RNF43: variants seen among roughly 807,000 people sequenced by gnomAD.
RNF43 encodes the protein E3 ubiquitin-protein ligase RNF43.
Under a neutral mutation model 78.4 loss-of-function variants are expected in RNF43, and 37 were observed. That is an observed-to-expected ratio of 0.47 (90% CI 0.36 to 0.62). The LOEUF is 0.62. Ranked by LOEUF, RNF43 falls within the 20% of genes least tolerant of loss-of-function variation. The probability of loss-of-function intolerance (pLI) is 0.00; values close to 1 mark genes in which losing one functional copy is unlikely to be tolerated. For missense variants in RNF43, 774 were observed against 1,007.9 expected (o/e 0.77, Z 3.14); for synonymous variants, 347 against 395.0 (o/e 0.88, Z 1.44).
At chr17:58,352,972 G>T (rs1972594232), downstream of RNF43, 1 of 217,344 alleles carries the variant, frequency 4.6e-6, no homozygotes, top group Admixed American at 5.8e-5. Context: ...AAGCAGAAGG[G>T]GAACTTGTGC....
intron 2 of RNF43, among the ~76,000 whole-genome samples, chr17:58,383,212 G>C (rs1171558077): frequency 6.6e-6 from 1 of 152,190 alleles, no homozygotes; most frequent in Non-Finnish European, 1.5e-5. Context: ...CCTTTGGTGG[G>C]ATGAGAGATG....
chr17:58,369,993 G>T (rs1444053408), intron 3 of RNF43, among the ~76,000 whole-genome samples: 3 of 151,306 alleles, frequency 2.0e-5, no homozygotes. Context: ...CCCCAGCCCA[G>T]CTCCTACAAA....
chr17:58,376,980 G>T (rs913887486), intron 2 of RNF43, among the ~76,000 whole-genome samples: 11 of 152,184 alleles, frequency 7.2e-5, no homozygotes, highest in African/African-American at 2.7e-4. Flanking sequence ...GTAAAGACAT[G>T]TGAACTGTCC....
In RNF43 at chr17:58,360,462, C is replaced by G. The variant is rs1391587330; in HGVS notation, c.850-211G>C. 2.6e-5 allele frequency among the ~76,000 whole-genome samples: 4 copies of G among 152,214 alleles called. No homozygotes were observed. Among genetic ancestry groups the G allele is most frequent in the African/African-American group, 4.8e-5 (2 of 41,456 alleles). ...GACGTTGGGCAACTTTCTTAACAGA[C>G]AGTTTTCTGCTGTAAAATGAAGATA... On this transcript the variant is annotated intron_variant, in intron 7 of 9. Transcript: ENST00000407977. The surrounding 1 kb of genome is among the most constrained non-coding windows in gnomAD (Gnocchi z 4.3).
At chr17:58,411,632 T>C (rs1974025707) in intron 2 of RNF43, among the ~76,000 whole-genome samples, 1 of 152,060 alleles carries the variant, frequency 6.6e-6, no homozygotes, top group Non-Finnish European at 1.5e-5. Flanking sequence ...TCTAAGAAAA[T>C]CCAGGATAAC....
In RNF43 at chr17:58,358,592, T is replaced by C; in HGVS notation, c.1184A>G (p.His395Arg). 1.9e-6 allele frequency: 3 copies of C among 1,586,802 alleles called. No individual in the cohort carries two copies. Among genetic ancestry groups the C allele is most frequent in the Non-Finnish European group, 2.6e-6 (3 of 1,165,582 alleles). ...PRHHRFPRAA[H>R]PRAPGEQQRL... Reference sequence around the variant, plus strand: ...CTGCTGCTCTCCTGGAGCCCGGGGATGTGCAGCTCTGGGGAAGCGGTGATG... The same window carrying C: ...CTGCTGCTCTCCTGGAGCCCGGGGACGTGCAGCTCTGGGGAAGCGGTGATG... Residue 395 changes from histidine (H) to arginine (R), a missense_variant, in exon 9 of 10, where the codon CAT (histidine) becomes CGT (arginine). His to Arg is a conservative substitution (Grantham distance 29). Transcript: ENST00000407977. This position sits in a 1 kb window ranked among gnomAD's most constrained non-coding sequence, Gnocchi z 6.2.
Position 58,354,915 on chromosome 17 carries a change from C to T in RNF43, c.*28G>A. ...AGGGCCCAAACACATCTGGAGCACA[C>T]TCTTGGTTGGAGCTAGGCCTGAACA... On this transcript the variant is annotated 3_prime_UTR_variant, in exon 10 of 10. Coordinates refer to ENST00000407977, the MANE Select transcript of RNF43 (RefSeq NM_017763.6). 6.2e-7 allele frequency: 1 copy of T among 1,611,754 alleles called. No homozygotes were observed.
In RNF43 at chr17:58,358,400, G is replaced by A; in HGVS notation, c.1376C>T (p.Ala459Val). 1 of 1,614,088 alleles carries A rather than the reference G, an allele frequency of 6.2e-7. No homozygotes were observed. The highest frequency in any genetic ancestry group is 8.5e-7 in the Non-Finnish European group (1 of 1,180,014). ...SYCTERSGYL[A>V]DGPASDSSSG... ...GCTGGAGTCACTGGCTGGCCCATCTGCCAGGTACCCACTGCGTTCTGTGCA... is the reference window on the plus strand; with the variant it reads ...GCTGGAGTCACTGGCTGGCCCATCTACCAGGTACCCACTGCGTTCTGTGCA... The change falls in exon 9 of 10, where the codon GCA (alanine) becomes GTA (valine). Residue 459 changes from alanine to valine, a missense_variant. Coordinates refer to ENST00000407977, the MANE Select transcript of RNF43 (RefSeq NM_017763.6). The surrounding 1 kb of genome is among the most constrained non-coding windows in gnomAD (Gnocchi z 6.2).
intron 2 of RNF43, among the ~76,000 whole-genome samples, chr17:58,383,933 A>C (rs1426716188): frequency 6.6e-6 from 1 of 152,152 alleles, no homozygotes; most frequent in East Asian, 1.9e-4. Flanking sequence ...CCAAGTTTTA[A>C]AGTCTTCAGT....
intron 2 of RNF43, among the ~76,000 whole-genome samples, chr17:58,379,627 C>T (rs1450328535): frequency 3.3e-5 from 5 of 152,188 alleles, no homozygotes; most frequent in African/African-American, 9.7e-5. Context: ...TACATGAAAA[C>T]GGCCCCCATG....
chr17:58,363,035 A>G lies in RNF43; in HGVS notation c.582+240T>C. ...CATTCTAGCTCTGCTATTCCATGCC[A>G]TGAAGCCACAGAGCTGTAAAGAACT... On this transcript the variant is annotated intron_variant, in intron 5 of 9. Coordinates refer to ENST00000407977, the MANE Select transcript of RNF43 (RefSeq NM_017763.6). 3 of 560,108 alleles carry G rather than the reference A, an allele frequency of 5.4e-6. No individual in the cohort carries two copies. In the South Asian group the frequency reaches 7.3e-5, roughly 14 times the overall value. 34.7% of individuals were successfully genotyped at this position (560,108 alleles called of 1,614,324 possible). A position where few individuals can be genotyped will look rare whatever the true frequency, so the allele number is the denominator to read the frequency against.
intron 2 of RNF43, among the ~76,000 whole-genome samples, chr17:58,375,220 A>G (rs1006909102): frequency 2.3e-4 from 35 of 152,136 alleles, no homozygotes; most frequent in African/African-American, 2.4e-5. Context: ...TGCTAACTTG[A>G]GCACGTTACT....
At chr17:58,413,840 T>C (rs1272813504) in intron 2 of RNF43, among the ~76,000 whole-genome samples, 4 of 152,198 alleles carry the variant, frequency 2.6e-5, no homozygotes, top group African/African-American at 9.6e-5. Context: ...TCACAGGTTA[T>C]CAATAAGGCA....
chr17:58,361,824 T>C (rs2143453756), intron 6 of RNF43, among the ~76,000 whole-genome samples: 1 of 152,266 alleles, frequency 6.6e-6, no homozygotes, highest in East Asian at 1.9e-4. Flanking sequence ...CTAGATCCCT[T>C]TCTCCTCAGA....
Position 58,354,424 on chromosome 17 carries a change from T to TA in RNF43, c.*518dup. 4.3e-6 allele frequency: 1 copy of TA among 234,336 alleles called. No homozygotes were observed. Among genetic ancestry groups the TA allele is most frequent in the Non-Finnish European group, 8.6e-6 (1 of 116,742 alleles). 14.5% of individuals were successfully genotyped at this position (234,336 alleles called of 1,614,324 possible). A position where few individuals can be genotyped will look rare whatever the true frequency, so the allele number is the denominator to read the frequency against. On this transcript the variant is annotated 3_prime_UTR_variant, in exon 10 of 10. Coordinates refer to ENST00000407977, the MANE Select transcript of RNF43 (RefSeq NM_017763.6). ...TCCTTTTGGCAAAAAAGGAAAATGA[T>TA]AGAGCCAGGGTTGCCCCTGATGTAG...
Position 58,360,291 on chromosome 17 carries a change from G to C in RNF43, c.850-40C>G. ...GGGGTCCAAACCAAAGGCTTCTGTA[G>C]CCATAGGAATTGCCAGGAATCAGGA... On this transcript the variant is annotated intron_variant, in intron 7 of 9. Transcript: ENST00000407977. This position sits in a 1 kb window ranked among gnomAD's most constrained non-coding sequence, Gnocchi z 4.3. 5.3e-6 allele frequency: 8 copies of C among 1,513,310 alleles called. No homozygotes were observed. The highest frequency in any genetic ancestry group is 7.4e-6 in the Non-Finnish European group (8 of 1,088,178). 93.7% of individuals were successfully genotyped at this position (1,513,310 alleles called of 1,614,324 possible).
chr17:58,375,877 G>T (rs186651104), intron 2 of RNF43, among the ~76,000 whole-genome samples: 60 of 152,332 alleles, frequency 3.9e-4, no homozygotes, highest in African/African-American at 1.4e-3. Context: ...TGCCTTAGGG[G>T]CATTTGCCAA....
chr17:58,393,613 C>G (rs1973605779), intron 2 of RNF43, among the ~76,000 whole-genome samples: 1 of 152,162 alleles, frequency 6.6e-6, no homozygotes, highest in Non-Finnish European at 1.5e-5. Flanking sequence ...GTGCCCCAAT[C>G]CCTGTGTTGT....
At chr17:58,400,434 A>G (rs1026337341) in intron 2 of RNF43, among the ~76,000 whole-genome samples, 3 of 152,232 alleles carry the variant, frequency 2.0e-5, no homozygotes, top group African/African-American at 7.2e-5. Context: ...TTCTGATAGT[A>G]ATTAGGTGAA....
Sources: allele counts gnomAD v4.1 joint callset (sites outside exome capture counted in the v4.1 genomes callset), GRCh38; gene constraint gnomAD v4.1.1; non-coding constraint Gnocchi (gnomAD v3.1); transcripts MANE v1.5; gene names NCBI Gene and HGNC (gene_info 2026-07-23, HGNC 2026-07-21).